TMEM132E: variants seen among roughly 807,000 people sequenced by gnomAD.
The protein encoded by TMEM132E is transmembrane protein 132E.
Under a neutral mutation model 78.5 loss-of-function variants are expected in TMEM132E, and 49 were observed. That is an observed-to-expected ratio of 0.62 (90% confidence interval 0.50 to 0.79). The LOEUF is 0.79. Ranked by LOEUF, TMEM132E falls within the 30% of genes least tolerant of loss-of-function variation. TMEM132E has a pLI of 0.00. For missense variants in TMEM132E, 1,403 were observed against 1,470.9 expected, an observed-to-expected ratio of 0.95 and a Z score of 0.75; for synonymous variants, 715 against 670.6, an observed-to-expected ratio of 1.07 and a Z score of -1.02.
At chr17:34,604,459 T>C (rs999912696) in intron 1 of TMEM132E, among the ~76,000 whole-genome samples, 8 of 152,218 alleles carry the variant, frequency 5.3e-5, no homozygotes, top group African/African-American at 1.9e-4. Context: ...GTGTGGAGGA[T>C]GAGATCCTTC....
rs1033885709 is a variant in TMEM132E at position 34,637,421 on chromosome 17, C to T, written c.2414C>T (p.Thr805Ile). The T allele has an allele frequency of 3.1e-6, 5 of 1,613,628 alleles. No homozygotes were observed. In the African/African-American group the frequency reaches 5.3e-5, roughly 17 times the overall value. The change falls in exon 9 of 9, where the codon ACC becomes ATC. Residue 805 changes from threonine to isoleucine, a missense_variant. Coordinates refer to ENST00000631683, the MANE Select transcript of TMEM132E (RefSeq NM_001304438.2). ...KTKRKSVLAT[T>I]PVGLRVHFGR... is the part of the protein sequence containing the mutation. ...AAACGCAAGAGTGTGCTCGCCACGACCCCTGTGGGCCTGCGGGTGCACTTT... is the reference window on the plus strand; with the variant it reads ...AAACGCAAGAGTGTGCTCGCCACGATCCCTGTGGGCCTGCGGGTGCACTTT...
At position 34,580,664 on chromosome 17, in the gene TMEM132E, T is replaced by C. The variant is rs1905433227; in HGVS notation, c.-413T>C. ...CTACCGAAACCGAGGAAACTGGGGA[T>C]TGCGTTGGAAGTCGGCACCCTCGAG... On this transcript the variant is annotated 5_prime_UTR_variant, in exon 1 of 9. Transcript: ENST00000631683. The C allele has an allele frequency of 5.6e-6, 1 of 179,820 alleles. No individual in the cohort carries two copies. The highest frequency in any genetic ancestry group is 2.3e-5 in the African/African-American group (1 of 42,554). 11.1% of individuals were successfully genotyped at this position (179,820 alleles called of 1,614,324 possible).
At chr17:34,636,526 A>C (rs1206054676) in intron 8 of TMEM132E, among the ~76,000 whole-genome samples, 1 of 152,222 alleles carries the variant, frequency 6.6e-6, no homozygotes, top group Admixed American at 6.5e-5. Flanking sequence ...CCACAGGCAT[A>C]GCCACAGGAT....
intron 1 of TMEM132E, among the ~76,000 whole-genome samples, chr17:34,603,456 G>T (rs1906307960): frequency 6.6e-6 from 1 of 152,166 alleles, no homozygotes; most frequent in Non-Finnish European, 1.5e-5. Context: ...ATGACTCCCA[G>T]GCTCAACTGA....
At chr17:34,596,954 C>T (rs1467649229) in intron 1 of TMEM132E, among the ~76,000 whole-genome samples, 3 of 152,000 alleles carry the variant, frequency 2.0e-5, no homozygotes, top group Non-Finnish European at 4.4e-5. Flanking sequence ...CTGGCTGCAC[C>T]TCCCAGCTCC....
At chr17:34,636,877 A>G (rs1432857976) in intron 8 of TMEM132E, among the ~76,000 whole-genome samples, 1 of 152,200 alleles carries the variant, frequency 6.6e-6, no homozygotes, top group Non-Finnish European at 1.5e-5. Flanking sequence ...GACCCAAGGC[A>G]AAACTTACCT....
chr17:34,581,667 C>G (rs1440072033), intron 1 of TMEM132E, among the ~76,000 whole-genome samples: 1 of 151,800 alleles, frequency 6.6e-6, no homozygotes, highest in Non-Finnish European at 1.5e-5. Flanking sequence ...CGCCGCGGCT[C>G]GCACGCCCGC....
At chr17:34,588,154 A>G (rs1202051529) in intron 1 of TMEM132E, among the ~76,000 whole-genome samples, 2 of 152,156 alleles carry the variant, frequency 1.3e-5, no homozygotes. Context: ...GTCTTTGTGC[A>G]TGCTGTTCCC....
At chr17:34,611,092 G>C (rs1235996058) in intron 1 of TMEM132E, among the ~76,000 whole-genome samples, 2 of 152,234 alleles carry the variant, frequency 1.3e-5, no homozygotes, top group Non-Finnish European at 2.9e-5. Context: ...CTGCTGCCTG[G>C]AATTTTTTAT....
chr17:34,615,116 G>T (rs991682361), intron 1 of TMEM132E, among the ~76,000 whole-genome samples: 1 of 149,014 alleles, frequency 6.7e-6, no homozygotes, highest in Non-Finnish European at 1.5e-5. Context: ...CTTGCTGTAT[G>T]CTTTCAGCAA....
chr17:34,617,117 G>C (rs376461964), intron 1 of TMEM132E, among the ~76,000 whole-genome samples: 14 of 152,234 alleles, frequency 9.2e-5, no homozygotes, highest in Non-Finnish European at 2.1e-4. Context: ...CTGCTACCTA[G>C]TCCAGAACTC....
intron 7 of TMEM132E, chr17:34,635,722 A>G (rs944873874): frequency 6.0e-5 from 20 of 331,354 alleles, no homozygotes; most frequent in African/African-American, 3.8e-4. Flanking sequence ...TTGCACATCA[A>G]TTGCTACTAG....
At chr17:34,636,789 C>T (rs1185157968) in intron 8 of TMEM132E, among the ~76,000 whole-genome samples, 1 of 152,212 alleles carries the variant, frequency 6.6e-6, no homozygotes, top group Non-Finnish European at 1.5e-5. Flanking sequence ...TCTCAACAGC[C>T]TGTTGTCTGA....
intron 1 of TMEM132E, among the ~76,000 whole-genome samples, chr17:34,598,828 C>A (rs930552212): frequency 2.0e-5 from 3 of 152,204 alleles, no homozygotes; most frequent in Non-Finnish European, 4.4e-5. Flanking sequence ...CCTGGCCTAG[C>A]AATTTTGGGT....
Position 34,580,952 on chromosome 17 carries a change from C to A in TMEM132E, c.-125C>A. Reference sequence around the variant, plus strand: ...TGTCCCCGAATTGCACTCTCTGGTCCCGGAGCTGCATCTGAGACAGCCGGG... The same window carrying A: ...TGTCCCCGAATTGCACTCTCTGGTCACGGAGCTGCATCTGAGACAGCCGGG... On this transcript the variant is annotated 5_prime_UTR_variant, in exon 1 of 9. Transcript: ENST00000631683. 1.5e-6 allele frequency: 1 copy of A among 670,924 alleles called. No individual in the cohort carries two copies. Among genetic ancestry groups the A allele is most frequent in the Non-Finnish European group, 2.4e-6 (1 of 418,964 alleles). The allele number at this position is 670,924 out of a possible 1,614,324, so 41.6% of individuals were successfully genotyped here.
intron 1 of TMEM132E, among the ~76,000 whole-genome samples, chr17:34,589,386 T>A (rs1297812957): frequency 6.6e-6 from 1 of 152,150 alleles, no homozygotes; most frequent in Non-Finnish European, 1.5e-5. Context: ...TAGGGAGCTG[T>A]CATGATGGAG....
chr17:34,613,211 A>ACACACACG lies in TMEM132E; in HGVS notation c.68-12915_68-12914insACACACGC. Among the ~76,000 whole-genome samples the ACACACACG allele has an allele frequency of 5.6e-3, 653 of 115,932 alleles. 12 individuals are homozygous for ACACACACG. Among genetic ancestry groups the ACACACACG allele is most frequent in the African/African-American group, 0.017 (578 of 34,282 alleles). 76.1% of individuals were successfully genotyped at this position (115,932 alleles called of 152,430 possible). On this transcript the variant is annotated intron_variant, in intron 1 of 8. Transcript: ENST00000631683. ...CACACACACACCCACACACACACAC[A>ACACACACG]CGCGCGCGCGCGCGCGTTCTTACAT...
intron 4 of TMEM132E, among the ~76,000 whole-genome samples, chr17:34,629,493 G>A (rs1349814021): frequency 6.6e-6 from 1 of 152,186 alleles, no homozygotes; most frequent in Non-Finnish European, 1.5e-5. Context: ...GTTGAGTCTT[G>A]GAGGTCACCT....
At chr17:34,630,282 G>A (rs1907311397) in intron 5 of TMEM132E, 131 bp downstream of exon 5, 15 of 960,294 alleles carry the variant, frequency 1.6e-5, no homozygotes, top group Non-Finnish European at 2.3e-5. Flanking sequence ...CCCTGTGCTG[G>A]GACCCCTTCT....
Sources: gnomAD v4.1 joint callset for allele counts (sites outside exome capture counted in the v4.1 genomes callset) on GRCh38, gnomAD v4.1.1 for gene constraint, MANE v1.5 for transcripts, NCBI Gene and HGNC (gene_info 2026-07-23, HGNC 2026-07-21) for gene names.